Variants in FITM2 observed in about 807,000 individuals in gnomAD.
FITM2 encodes fat storage inducing transmembrane protein 2.
In FITM2, 16 loss-of-function variants were observed where a neutral mutation model predicts 23.3. The observed-to-expected ratio is 0.69, with a 90% CI of 0.47 to 1.05. The LOEUF (loss-of-function observed/expected upper bound fraction) is 1.05. Among genes scored for constraint, FITM2 ranks in the 50% least tolerant of loss-of-function variants. The pLI, the probability that FITM2 is intolerant of heterozygous loss-of-function variation, is 0.00. For synonymous variants in FITM2, 132 were observed against 142.0 expected (o/e 0.93, Z 0.50); for missense variants, 273 against 327.5 (o/e 0.83, Z 1.29).
In FITM2 at chr20:44,311,152, G is replaced by C; in HGVS notation, c.-4C>G. ...CGCAGCGCTCCAGATGCTCCATGCC[G>C]GATCTCGTCAGCCACCGTCCTCCTC... On this transcript the variant is annotated 5_prime_UTR_variant, in exon 1 of 2. Coordinates refer to ENST00000396825, the MANE Select transcript of FITM2 (RefSeq NM_001080472.4). The C allele has an allele frequency of 1.2e-6, 2 of 1,609,768 alleles. No homozygotes were observed. Among genetic ancestry groups the C allele is most frequent in the Non-Finnish European group, 1.7e-6 (2 of 1,177,570 alleles).
chr20:44,308,592 G>A (rs2062696933), intron 1 of FITM2, among the ~76,000 whole-genome samples: 1 of 152,168 alleles, frequency 6.6e-6, no homozygotes, highest in Non-Finnish European at 1.5e-5. Flanking sequence ...CTTGCGTGCA[G>A]TGGCACAATC....
In FITM2 at chr20:44,307,139, C is replaced by T. The variant is rs769465085; in HGVS notation, c.275G>A (p.Arg92Gln). The change falls in exon 2 of 2, where the codon CGG (arginine) becomes CAG (glutamine). Residue 92 changes from arginine to glutamine, a missense_variant. This residue lies in a region of FITM2 where 117 missense variants were observed against 183.3 expected (regional missense o/e 0.64). Transcript: ENST00000396825. ...GCCCACAAGCAGGGTGCTCAGCCGC[C>T]GCAGGACCAAGCCAGCCTTGCCGGT... ...HLTGKAGLVL[R>Q]RLSTLLVGTA... is the part of the protein sequence containing the mutation. 47 of 1,614,030 alleles carry T rather than the reference C, an allele frequency of 2.9e-5. No individual in the cohort carries two copies. The highest frequency in any genetic ancestry group is 8.9e-5 in the East Asian group (4 of 44,896).
At position 44,304,373 on chromosome 20, in the gene FITM2, T is replaced by A. The variant is rs2146087959; in HGVS notation, c.*2252A>T. The A allele has an allele frequency of 6.6e-6, 1 of 152,264 alleles. No homozygotes were observed. The highest frequency in any genetic ancestry group is 1.9e-4 in the East Asian group (1 of 5,172). 9.4% of individuals were successfully genotyped at this position (152,264 alleles called of 1,614,324 possible). ...CTGGGAGAGAAGAGGGGATATCTTA[T>A]CACAGGGCGTGGAACTGTGCCTTTG... On this transcript the variant is annotated 3_prime_UTR_variant, in exon 2 of 2. Coordinates refer to ENST00000396825, the MANE Select transcript of FITM2 (RefSeq NM_001080472.4).
In FITM2 at chr20:44,311,033, T is replaced by C. The variant is rs117858854; in HGVS notation, c.116A>G (p.Lys39Arg). The C allele has an allele frequency of 1.0e-3, 1,628 of 1,592,680 alleles. 24 individuals carry two copies. In the East Asian group the frequency reaches 0.036, roughly 35 times the overall value. Residue 39 changes from lysine to arginine, a missense_variant, in exon 1 of 2, where the codon AAG (lysine) becomes AGG (arginine). Around this residue, in one of 3 missense-constraint regions of FITM2, gnomAD observed 123 missense variants for 117.9 expected, o/e 1.04. Coordinates refer to ENST00000396825, the MANE Select transcript of FITM2 (RefSeq NM_001080472.4). ...VASMLAGSLL[K>R]ELSPLPESYL... The stretch of plus-strand genomic sequence containing the variant: ...GCTCTCGGGCAACGGGGACAACTCC[T>C]TGAGGAGGGAGCCCGCCAGCATGGA...
intron 1 of FITM2, among the ~76,000 whole-genome samples, chr20:44,308,065 C>A (rs968674386): frequency 6.6e-6 from 1 of 151,628 alleles, no homozygotes; most frequent in South Asian, 2.1e-4. Flanking sequence ...CCAGCCTGGG[C>A]GATAGAGCGA....
rs937902627 is a variant in FITM2, at chr20:44,306,892, A to T, written c.522T>A (p.His174Gln). Residue 174 changes from histidine to glutamine, a missense_variant, in exon 2 of 2, where the codon CAT becomes CAA. By Grantham distance (24) the His-to-Gln change is conservative. Transcript: ENST00000396825. ...LMIVEEMSVL[H>Q]EVKTDRSHCL... ...AGTGGCTTCGGTCCGTCTTCACCTC[A>T]TGCAGCACAGACATCTCTTCTACAA... The T allele has an allele frequency of 4.3e-6, 7 of 1,614,070 alleles. No homozygotes were observed. Among genetic ancestry groups the T allele is most frequent in the Non-Finnish European group, 5.9e-6 (7 of 1,180,034 alleles).
Position 44,311,175 on chromosome 20 carries a change from C to T in FITM2, c.-27G>A. 6.2e-7 allele frequency: 1 copy of T among 1,600,556 alleles called. No homozygotes were observed. On this transcript the variant is annotated 5_prime_UTR_variant, in exon 1 of 2. Transcript: ENST00000396825. Reference sequence around the variant, plus strand: ...CCGGATCTCGTCAGCCACCGTCCTCCTCTCCGTGCCCTCTCGGCCACCGTA... The same window carrying T: ...CCGGATCTCGTCAGCCACCGTCCTCTTCTCCGTGCCCTCTCGGCCACCGTA...
chr20:44,308,558 C>A (rs546676085), intron 1 of FITM2, among the ~76,000 whole-genome samples: 1 of 152,262 alleles, frequency 6.6e-6, no homozygotes, highest in East Asian at 1.9e-4. Flanking sequence ...TTTTCTGAGA[C>A]AGGATCTCAC....
Position 44,305,953 on chromosome 20 carries a change from G to A in FITM2, c.*672C>T, listed in dbSNP as rs2062688384. The A allele has an allele frequency of 6.6e-6, 1 of 152,552 alleles. No homozygotes were observed. The highest frequency in any genetic ancestry group is 6.5e-5 in the Admixed American group (1 of 15,332). 9.4% of individuals were successfully genotyped at this position (152,552 alleles called of 1,614,324 possible). On this transcript the variant is annotated 3_prime_UTR_variant, in exon 2 of 2. Coordinates refer to ENST00000396825, the MANE Select transcript of FITM2 (RefSeq NM_001080472.4). ...GTCACCCAGGCTGGAGTGCAGTGGT[G>A]CGATCTCAGCTCACTGCAACCTCCA...
rs1176451632 is a variant in FITM2, at chr20:44,305,288, CA to C, written c.*1336del. The C allele has an allele frequency of 2.6e-5, 4 of 151,948 alleles. No individual in the cohort carries two copies. The highest frequency in any genetic ancestry group is 6.6e-5 in the Admixed American group (1 of 15,240). The allele number at this position is 151,948 out of a possible 1,614,324, so 9.4% of individuals were successfully genotyped here. ...TGTAAAGGATTCGCTCAAAATAGAA[CA>C]GAAAAAAAGTAATCTTATTGCTCCA... is the stretch of plus-strand genomic sequence containing the variant. On this transcript the variant is annotated 3_prime_UTR_variant, in exon 2 of 2. Transcript: ENST00000396825.
At chr20:44,309,895 C>T (rs779264025) in intron 1 of FITM2, among the ~76,000 whole-genome samples, 2 of 152,186 alleles carry the variant, frequency 1.3e-5, no homozygotes, top group Non-Finnish European at 2.9e-5. Flanking sequence ...GACTTGGGGC[C>T]ACTACCACTC....
Position 44,303,528 on chromosome 20 carries a change from C to G in FITM2, c.*3097G>C, listed in dbSNP as rs897931997. On this transcript the variant is annotated 3_prime_UTR_variant, in exon 2 of 2. Coordinates refer to ENST00000396825, the MANE Select transcript of FITM2 (RefSeq NM_001080472.4). ...ATTTAGTGCTGAGCCCGCATCAGAC[C>G]CACGTGGGATAAATATCTGGAGATT... 5 of 152,162 alleles carry G rather than the reference C, an allele frequency of 3.3e-5. No individual in the cohort carries two copies. Among genetic ancestry groups the G allele is most frequent in the South Asian group, 4.1e-4 (2 of 4,824 alleles). 9.4% of individuals were successfully genotyped at this position (152,162 alleles called of 1,614,324 possible). A position where few individuals can be genotyped will look rare whatever the true frequency, so the allele number is the denominator to read the frequency against.
chr20:44,307,205 CAG>C lies in FITM2; in HGVS notation c.207_208del (p.Phe69LeufsTer82). 6.2e-7 allele frequency: 1 copy of C among 1,614,162 alleles called. No individual in the cohort carries two copies. Among genetic ancestry groups the C allele is most frequent in the Non-Finnish European group, 8.5e-7 (1 of 1,180,046 alleles). On this transcript the variant is annotated frameshift_variant, in exon 2 of 2. Transcript: ENST00000396825. LOFTEE classifies it high-confidence loss of function. The stretch of plus-strand genomic sequence containing the variant: ...GAGGGCAATGAAAGGCAGAAGGAGA[CAG>C]AACGTCCAGGCCCAGGCCACTTTGA...
rs1315995035 is a variant in FITM2 at position 44,308,101 on chromosome 20, A to C, written c.174-861T>G. Among the ~76,000 whole-genome samples the C allele has an allele frequency of 2.0e-5, 3 of 151,580 alleles. No homozygotes were observed. The South Asian group carries it at 6.3e-4, about 32-fold the overall frequency. ...GACTCCATCTCAAAAACAAAACAAA[A>C]CAAACGAAAAAAAACAACTCTATGA... is the stretch of plus-strand genomic sequence containing the variant. On this transcript the variant is annotated intron_variant, in intron 1 of 1. Transcript: ENST00000396825.
At position 44,305,647 on chromosome 20, in the gene FITM2, A is replaced by G. The variant is rs1385651792; in HGVS notation, c.*978T>C. ...AGACCAGCCTGACCAACATGGAGAAACCCCATCTCTACTAAAAATACAAAA... is the reference window on the plus strand; with the variant it reads ...AGACCAGCCTGACCAACATGGAGAAGCCCCATCTCTACTAAAAATACAAAA... On this transcript the variant is annotated 3_prime_UTR_variant, in exon 2 of 2. Transcript: ENST00000396825. 2.0e-5 allele frequency: 3 copies of G among 151,782 alleles called. No individual in the cohort carries two copies. The highest frequency in any genetic ancestry group is 4.8e-5 in the African/African-American group (2 of 41,346). 9.4% of individuals were successfully genotyped at this position (151,782 alleles called of 1,614,324 possible).
intron 1 of FITM2, 134 bp from the exon 2 acceptor site, chr20:44,307,374 C>G: frequency 9.6e-7 from 1 of 1,043,190 alleles, no homozygotes; most frequent in Non-Finnish European, 1.4e-6. Context: ...TAGCAACTAT[C>G]ATGTTTTAGG....
At position 44,305,579 on chromosome 20, in the gene FITM2, T is replaced by G. The variant is rs2062687337; in HGVS notation, c.*1046A>C. The G allele has an allele frequency of 6.6e-6, 1 of 152,034 alleles. No individual in the cohort carries two copies. The highest frequency in any genetic ancestry group is 2.4e-5 in the African/African-American group (1 of 41,408). The allele number at this position is 152,034 out of a possible 1,614,324, so 9.4% of individuals were successfully genotyped here. A position where few individuals can be genotyped will look rare whatever the true frequency, so the allele number is the denominator to read the frequency against. Reference sequence around the variant, plus strand: ...GGCTCATGCCTGTAATCCCAGCACTTTGGGAGGCCGAGGCAGGTGGATCAC... The same window carrying G: ...GGCTCATGCCTGTAATCCCAGCACTGTGGGAGGCCGAGGCAGGTGGATCAC... On this transcript the variant is annotated 3_prime_UTR_variant, in exon 2 of 2. Coordinates refer to ENST00000396825, the MANE Select transcript of FITM2 (RefSeq NM_001080472.4).
rs1343925616 is a variant in FITM2 at position 44,306,724 on chromosome 20, C to A, written c.690G>T (p.Trp230Cys). Residue 230 changes from tryptophan (W) to cysteine (C), a missense_variant, in exon 2 of 2, where the codon TGG becomes TGT. Trp to Cys is a radical substitution (Grantham distance 215, BLOSUM62 -2). This residue lies in a region of FITM2 where 117 missense variants were observed against 183.3 expected (regional missense o/e 0.64). Transcript: ENST00000396825. ...GATACCAAAACCCGTATGTCCCGTA[C>A]CAGCTCAGCAAACCAAACAAGGTGC... ...VFGTLFGLLSWYGTYGFWYPK... is the reference protein window; with the variant it reads ...VFGTLFGLLSCYGTYGFWYPK... The A allele has an allele frequency of 6.2e-7, 1 of 1,614,084 alleles. No homozygotes were observed. Among genetic ancestry groups the A allele is most frequent in the African/African-American group, 1.3e-5 (1 of 75,016 alleles).
rs770608381 is a variant in FITM2, at chr20:44,306,680, C to G, written c.734G>C (p.Gly245Ala). ...CAAACTACAGCTCTGGGGAGGAAGT[C>G]CTGGGGAAAAGGCTTTCGGATACCA... The part of the protein sequence containing the change: ...GFWYPKAFSP[G>A]LPPQSCSLNL... The change falls in exon 2 of 2, where the codon GGA becomes GCA. Residue 245 changes from glycine to alanine, a missense_variant. By Grantham distance (60) the Gly-to-Ala change is moderately conservative. Around this residue, in one of 3 missense-constraint regions of FITM2, gnomAD observed 33 missense variants for 26.3 expected, o/e 1.25. Coordinates refer to ENST00000396825, the MANE Select transcript of FITM2 (RefSeq NM_001080472.4). 5.6e-6 allele frequency: 9 copies of G among 1,614,024 alleles called. No individual in the cohort carries two copies.
Sources: gnomAD v4.1 joint callset for allele counts (sites outside exome capture counted in the v4.1 genomes callset) on GRCh38, gnomAD v4.1.1 for gene constraint, gnomAD v4.1.1 regional missense constraint, MANE v1.5 for transcripts, NCBI Gene and HGNC (gene_info 2026-07-23, HGNC 2026-07-21) for gene names.